Variants in ASTN2 observed in about 807,000 individuals in gnomAD.
The protein encoded by ASTN2 is astrotactin-2.
ASTN2 carries 54 observed loss-of-function variants against 139.8 expected under a neutral mutation model. That is an observed-to-expected ratio of 0.39 (90% confidence interval 0.31 to 0.48). The LOEUF is 0.48. ASTN2 is among the 20% of genes least tolerant of loss of function. The pLI, the probability that ASTN2 is intolerant of heterozygous loss-of-function variation, is 0.95. For synonymous variants in ASTN2, 756 were observed against 719.5 expected (o/e 1.05, Z -0.81); for missense variants, 1,565 against 1,725.1 (o/e 0.91, Z 1.64).
In ASTN2 at chr9:117,052,803, G is replaced by T. The variant is rs1587907414; in HGVS notation, c.1277-12838C>A. On this transcript the variant is annotated intron_variant, in intron 5 of 22. Transcript: ENST00000313400. ...CAGAAAACCAGCTCAGGGAAGAGAA[G>T]TGCTTTGCTCAAGGTCATACGCCTA... Among the ~76,000 whole-genome samples, 3 of 152,370 alleles carry T rather than the reference G, an allele frequency of 2.0e-5. No homozygotes were observed. The South Asian group carries it at 6.2e-4, about 32-fold the overall frequency.
intron 17 of ASTN2, among the ~76,000 whole-genome samples, chr9:116,648,257 C>A (rs1771993269): frequency 6.6e-6 from 1 of 152,100 alleles, no homozygotes; most frequent in African/African-American, 2.4e-5. Flanking sequence ...GTCTCGGCCT[C>A]CCAAAGTGCT....
At chr9:116,842,510 G>A (rs2132307738) in intron 11 of ASTN2, among the ~76,000 whole-genome samples, 1 of 151,672 alleles carries the variant, frequency 6.6e-6, no homozygotes, top group African/African-American at 2.4e-5. Context: ...GTGCTTCCTG[G>A]CATATAAGTG....
At position 116,733,438 on chromosome 9, in the gene ASTN2, C is replaced by T. The variant is rs767579441; in HGVS notation, c.2482G>A (p.Val828Ile). The change falls in exon 14 of 23, where the codon GTC becomes ATC. Residue 828 changes from valine to isoleucine, a missense_variant. Val to Ile is a conservative substitution (Grantham distance 29, BLOSUM62 3). This residue lies in a region of ASTN2 where 503 missense variants were observed against 591.7 expected (regional missense o/e 0.85). Coordinates refer to ENST00000313400, the MANE Select transcript of ASTN2 (RefSeq NM_001365068.1). ...PLPVEEQCRGVLSEPLPDLQL... is the reference protein window; with the variant it reads ...PLPVEEQCRGILSEPLPDLQL... ...AGGTCTGGAAGGGGCTCGGAGAGGA[C>T]CCCCCGGCACTGCTCCTCCACCGGC... The T allele has an allele frequency of 6.3e-7, 1 of 1,599,310 alleles. No homozygotes were observed. Among genetic ancestry groups the T allele is most frequent in the South Asian group, 1.1e-5 (1 of 90,412 alleles).
At chr9:117,153,464 G>T (rs192473348) in intron 3 of ASTN2, among the ~76,000 whole-genome samples, 201 of 152,202 alleles carry the variant, frequency 1.3e-3, no homozygotes, top group African/African-American at 4.6e-3. Flanking sequence ...TAGCATTGTT[G>T]TGGCAGTGAC....
intron 13 of ASTN2, among the ~76,000 whole-genome samples, chr9:116,803,003 TC>T (rs11378926): frequency 6.6e-6 from 1 of 152,056 alleles, no homozygotes; most frequent in Non-Finnish European, 1.5e-5. Context: ...TCAACAGGCT[TC>T]CATGGGAACT....
chr9:117,298,666 A>ATC (rs1329733941), intron 1 of ASTN2, among the ~76,000 whole-genome samples: 8 of 43,890 alleles, frequency 1.8e-4, no homozygotes, highest in Non-Finnish European at 4.1e-4. Context: ...GTATATATAT[A>ATC]TGTGTATATA....
At position 117,216,095 on chromosome 9, in the gene ASTN2, C is replaced by A. The variant is rs149966196; in HGVS notation, c.631-1353G>T. Among the ~76,000 whole-genome samples, 1,285 of 152,306 alleles carry A rather than the reference C, an allele frequency of 8.4e-3. 9 individuals carry two copies. The highest frequency in any genetic ancestry group is 0.014 in the Middle Eastern group (4 of 294). Reference sequence around the variant, plus strand: ...TGAAGGCAAGGACAAATTCTGACAACTATCTGTACAGCATCTAACAAAGAT... The same window carrying A: ...TGAAGGCAAGGACAAATTCTGACAAATATCTGTACAGCATCTAACAAAGAT... On this transcript the variant is annotated intron_variant, in intron 2 of 22. Transcript: ENST00000313400.
rs1468754445 is a variant in ASTN2 at position 116,618,429 on chromosome 9, A to G, written c.3250T>C (p.Ser1084Pro). ...PTVEPSSTVV[S>P]LEWVDVQPAI... ...GGCTGAACATCCACCCACTCCAAGG[A>G]GACCACAGTACTGGAGGGCTCCACT... Residue 1084 changes from serine to proline, a missense_variant, in exon 19 of 23, where the codon TCC (serine) becomes CCC (proline). Ser to Pro is a moderately conservative substitution (Grantham distance 74). Around this residue, in one of 4 missense-constraint regions of ASTN2, gnomAD observed 418 missense variants for 465.8 expected, o/e 0.90. Transcript: ENST00000313400. 1 of 1,614,056 alleles carries G rather than the reference A, an allele frequency of 6.2e-7. No homozygotes were observed. Among genetic ancestry groups the G allele is most frequent in the Non-Finnish European group, 8.5e-7 (1 of 1,180,000 alleles).
chr9:116,505,191 C>T (rs1278803067), intron 19 of ASTN2, among the ~76,000 whole-genome samples: 1 of 151,632 alleles, frequency 6.6e-6, no homozygotes, highest in Non-Finnish European at 1.5e-5. Flanking sequence ...TCTGACTTCT[C>T]ATCTCGTGTG....
At chr9:116,934,589 G>A (rs531042315) in intron 10 of ASTN2, among the ~76,000 whole-genome samples, 1 of 152,150 alleles carries the variant, frequency 6.6e-6, no homozygotes, top group African/African-American at 2.4e-5. Flanking sequence ...ACATAGAGGG[G>A]AAAAACACAC....
intron 1 of ASTN2, among the ~76,000 whole-genome samples, chr9:117,362,105 G>T (rs1402810040): frequency 6.6e-6 from 1 of 152,142 alleles, no homozygotes; most frequent in Non-Finnish European, 1.5e-5. Flanking sequence ...CTCCCAAGTG[G>T]CTGGTATTAC....
At chr9:116,790,457 C>G (rs1830499302) in intron 13 of ASTN2, among the ~76,000 whole-genome samples, 1 of 152,052 alleles carries the variant, frequency 6.6e-6, no homozygotes, top group Admixed American at 6.5e-5. Context: ...CCCTCCACCC[C>G]TTCATGACCC....
intron 20 of ASTN2, among the ~76,000 whole-genome samples, chr9:116,483,060 GC>G (rs1161648920): frequency 6.6e-6 from 1 of 152,186 alleles, no homozygotes; most frequent in African/African-American, 2.4e-5. Context: ...TGGGCCTTTG[GC>G]CAGGCAAGGG....
intron 10 of ASTN2, among the ~76,000 whole-genome samples, chr9:116,882,561 A>G (rs1272046606): frequency 6.6e-6 from 1 of 152,214 alleles, no homozygotes; most frequent in Non-Finnish European, 1.5e-5. Flanking sequence ...GGAGGCAGAA[A>G]ACAAAAAACT....
intron 10 of ASTN2, among the ~76,000 whole-genome samples, chr9:116,910,398 C>A (rs1180453662): frequency 6.6e-6 from 1 of 152,146 alleles, no homozygotes; most frequent in Non-Finnish European, 1.5e-5. Context: ...CTGTCATCTA[C>A]CCACTAGGTG....
chr9:116,796,894 C>T (rs10817936), intron 13 of ASTN2, among the ~76,000 whole-genome samples: 85,318 of 151,930 alleles, frequency 0.56, 24,578 homozygotes, highest in East Asian at 0.87. Context: ...TCACGGCAGC[C>T]TTAAATTCCT....
chr9:116,569,211 A>G (rs951956030), intron 19 of ASTN2, among the ~76,000 whole-genome samples: 4 of 152,220 alleles, frequency 2.6e-5, no homozygotes, highest in Non-Finnish European at 4.4e-5. Context: ...TTGCATGCCA[A>G]TGGTGTCACT....
At chr9:116,737,437 G>T (rs1282464079) in intron 13 of ASTN2, among the ~76,000 whole-genome samples, 1 of 150,280 alleles carries the variant, frequency 6.7e-6, no homozygotes, top group African/African-American at 2.5e-5. Context: ...GAATAATTCA[G>T]ATTCTTAGCG....
intron 20 of ASTN2, among the ~76,000 whole-genome samples, chr9:116,482,550 C>T (rs1027544927): frequency 1.3e-5 from 2 of 152,146 alleles, no homozygotes; most frequent in Non-Finnish European, 2.9e-5. Flanking sequence ...TCCGGGCTCA[C>T]TGAACTTAAC....
Sources: allele counts gnomAD v4.1 joint callset (sites outside exome capture counted in the v4.1 genomes callset), GRCh38; gene constraint gnomAD v4.1.1; regional missense constraint gnomAD v4.1.1; transcripts MANE v1.5; gene names NCBI Gene and HGNC (gene_info 2026-07-23, HGNC 2026-07-21).